Variants in DNAJB6 observed in about 807,000 individuals in gnomAD.
DNAJB6 encodes DnaJ heat shock protein family (Hsp40) member B6, also known as dnaJ homolog subfamily B member 6.
DNAJB6 carries 16 observed loss-of-function variants against 42.7 expected under a neutral mutation model. The ratio of observed to expected loss-of-function variants is 0.37; its 90% CI spans 0.25 to 0.57. DNAJB6 has a LOEUF of 0.57. DNAJB6 is among the 20% of genes least tolerant of loss of function. DNAJB6 has a pLI of 0.74. For synonymous variants in DNAJB6, 170 were observed against 163.5 expected (o/e 1.04, Z -0.30); for missense variants, 347 against 416.8 (o/e 0.83, Z 1.46).
chr7:157,372,575 G>T (rs1252369639), intron 5 of DNAJB6, among the ~76,000 whole-genome samples: 1 of 152,176 alleles, frequency 6.6e-6, no homozygotes, highest in African/African-American at 2.4e-5. Flanking sequence ...ACTGTCCTTG[G>T]TCAGACGACC....
At chr7:157,358,048 G>C (rs148063306) in intron 1 of DNAJB6, among the ~76,000 whole-genome samples, 143 of 152,322 alleles carry the variant, frequency 9.4e-4, no homozygotes, top group African/African-American at 3.3e-3. Context: ...GTTCCCTCGT[G>C]TGGGTGACAG....
intron 8 of DNAJB6, among the ~76,000 whole-genome samples, chr7:157,399,020 A>AG (rs1476055877): frequency 6.6e-6 from 1 of 152,238 alleles, no homozygotes; most frequent in Admixed American, 6.5e-5. Flanking sequence ...GCTTTCAGAA[A>AG]GTGGTGTTGG....
chr7:157,370,624 C>T (rs1800161637), intron 5 of DNAJB6: 2 of 152,484 alleles, frequency 1.3e-5, no homozygotes, highest in African/African-American at 4.8e-5. Flanking sequence ...TACCCCTAGT[C>T]CAAGGAGAGA....
intron 5 of DNAJB6, among the ~76,000 whole-genome samples, chr7:157,377,720 A>G (rs1405331015): frequency 6.6e-6 from 1 of 152,214 alleles, no homozygotes; most frequent in Non-Finnish European, 1.5e-5. Flanking sequence ...TCTCATCCAG[A>G]ATCACCCAGA....
At chr7:157,350,971 G>A (rs1027659930) in intron 1 of DNAJB6, among the ~76,000 whole-genome samples, 1 of 147,362 alleles carries the variant, frequency 6.8e-6, no homozygotes, top group Non-Finnish European at 1.5e-5. Flanking sequence ...TTTCGCTCTT[G>A]TTGGCCAGGC....
At chr7:157,337,364 C>G (rs2116816286) in intron 1 of DNAJB6, among the ~76,000 whole-genome samples, 1 of 151,538 alleles carries the variant, frequency 6.6e-6, no homozygotes, top group South Asian at 2.1e-4. Context: ...GGGCTGGGGT[C>G]TGGGGCCGCC....
At chr7:157,401,803 G>A (rs1208622001) in intron 8 of DNAJB6, among the ~76,000 whole-genome samples, 2 of 152,198 alleles carry the variant, frequency 1.3e-5, no homozygotes, top group East Asian at 3.9e-4. Flanking sequence ...AGTGTGCCCT[G>A]ACCTCTGCAG....
chr7:157,403,382 A>G (rs1795612028), intron 8 of DNAJB6, among the ~76,000 whole-genome samples: 1 of 152,186 alleles, frequency 6.6e-6, no homozygotes, highest in Admixed American at 6.5e-5. Context: ...GCCAGGGTGA[A>G]AACCCAACAA....
At chr7:157,343,147 C>T (rs927324851) in intron 1 of DNAJB6, among the ~76,000 whole-genome samples, 1 of 140,678 alleles carries the variant, frequency 7.1e-6, no homozygotes, top group Non-Finnish European at 1.5e-5. Flanking sequence ...AGATGTGCAC[C>T]ACCACACCCA....
intron 1 of DNAJB6, among the ~76,000 whole-genome samples, chr7:157,338,784 A>C (rs955538186): frequency 1.3e-5 from 2 of 152,190 alleles, no homozygotes; most frequent in African/African-American, 4.8e-5. Context: ...CAGGCTGTGA[A>C]ATTTGGGAAG....
At chr7:157,377,606 T>C (rs911031716) in intron 5 of DNAJB6, among the ~76,000 whole-genome samples, 2 of 151,234 alleles carry the variant, frequency 1.3e-5, no homozygotes, top group African/African-American at 4.9e-5. Context: ...TCCCCCGGGG[T>C]GGGATGGTGT....
Position 157,363,283 on chromosome 7 carries a change from G to A in DNAJB6, c.175+13G>A, listed in dbSNP as rs376421671. ...GTGCTGTCGGATGGTGAGTGACAGC[G>A]AGCTGCTGAAGGACCCTGAGCGGGC... is the stretch of plus-strand genomic sequence containing the variant. On this transcript the variant is annotated intron_variant, in intron 3 of 9. Transcript: ENST00000262177. 12 of 1,581,162 alleles carry A rather than the reference G, an allele frequency of 7.6e-6. No homozygotes were observed. Among genetic ancestry groups the A allele is most frequent in the African/African-American group, 4.0e-5 (3 of 74,292 alleles).
intron 1 of DNAJB6, among the ~76,000 whole-genome samples, chr7:157,339,281 C>CTTTTTTTTTTTTTT (rs34284253): frequency 2.9e-5 from 2 of 68,286 alleles, no homozygotes; most frequent in Non-Finnish European, 5.5e-5. Context: ...CTGTTTGCAC[C>CTTTTTTTTTTTTTT]TTTTTTTTTT....
At chr7:157,354,351 T>G (rs1431799146) in intron 1 of DNAJB6, among the ~76,000 whole-genome samples, 1 of 152,198 alleles carries the variant, frequency 6.6e-6, no homozygotes, top group Non-Finnish European at 1.5e-5. Flanking sequence ...TGCTCCATGT[T>G]GATCAGGCTG....
intron 1 of DNAJB6, among the ~76,000 whole-genome samples, chr7:157,345,746 A>G (rs1412715108): frequency 6.6e-6 from 1 of 152,212 alleles, no homozygotes; most frequent in Admixed American, 6.6e-5. Context: ...AGATTTAAAT[A>G]GCTGCATTTG....
intron 1 of DNAJB6, among the ~76,000 whole-genome samples, chr7:157,341,807 C>A (rs1225946729): frequency 6.6e-6 from 1 of 152,270 alleles, no homozygotes; most frequent in Non-Finnish European, 1.5e-5. Flanking sequence ...ATAATGGAAT[C>A]CAGAATTCAA....
At chr7:157,393,424 T>G (rs574039157) in intron 8 of DNAJB6, among the ~76,000 whole-genome samples, 1 of 152,360 alleles carries the variant, frequency 6.6e-6, no homozygotes, top group African/African-American at 2.4e-5. Flanking sequence ...TTTTACTGTG[T>G]GATTATGTTT....
intron 1 of DNAJB6, among the ~76,000 whole-genome samples, chr7:157,345,295 A>C (rs1798625237): frequency 6.6e-6 from 1 of 152,050 alleles, no homozygotes. Flanking sequence ...CGCCTGGCTT[A>C]AAATTTTTAT....
At chr7:157,387,781 A>T (rs1801144534) in intron 8 of DNAJB6, among the ~76,000 whole-genome samples, 1 of 151,172 alleles carries the variant, frequency 6.6e-6, no homozygotes, top group South Asian at 2.1e-4. Flanking sequence ...TCTTGTGAAA[A>T]TTTTTTTTTG....
Sources: gnomAD v4.1 joint callset for allele counts (sites outside exome capture counted in the v4.1 genomes callset) on GRCh38, gnomAD v4.1.1 for gene constraint, MANE v1.5 for transcripts, NCBI Gene and HGNC (gene_info 2026-07-23, HGNC 2026-07-21) for gene names.